RALYL: variants seen among roughly 807,000 people sequenced by gnomAD.
RALYL encodes RNA-binding Raly-like protein.
Under a neutral mutation model 35.1 loss-of-function variants are expected in RALYL, and 29 were observed. The observed-to-expected ratio is 0.83, with a 90% confidence interval of 0.61 to 1.13. The LOEUF is 1.13. Among genes scored for constraint, RALYL ranks in the 50% most tolerant of loss-of-function variants. The pLI is 0.00. For missense variants in RALYL, 359 were observed against 360.4 expected (o/e 1.00, Z 0.03); for synonymous variants, 120 against 127.6 (o/e 0.94, Z 0.40).
chr8:84,387,799 C>A (rs1255378792), intron 1 of RALYL, among the ~76,000 whole-genome samples: 1 of 139,186 alleles, frequency 7.2e-6, no homozygotes, highest in African/African-American at 2.8e-5. Context: ...TTCTTTCTTT[C>A]TTTCTTTTTT....
At chr8:84,379,123 G>A (rs935030325) in intron 1 of RALYL, among the ~76,000 whole-genome samples, 3 of 151,876 alleles carry the variant, frequency 2.0e-5, no homozygotes, top group African/African-American at 7.2e-5. Context: ...AGGAAATTTA[G>A]ATTTGAGCAG....
rs138977095 is a variant in RALYL, at chr8:84,245,215, C to T, written c.-24+60791C>T. ...TAGAGAGGGACGCTGTTTCTGTCTTCCAGGGTTCTCTGGTATGCAAAATTC... is the reference window on the plus strand; with the variant it reads ...TAGAGAGGGACGCTGTTTCTGTCTTTCAGGGTTCTCTGGTATGCAAAATTC... On this transcript the variant is annotated intron_variant, in intron 1 of 8. Transcript: ENST00000521268. Among the ~76,000 whole-genome samples, 524 of 152,232 alleles carry T rather than the reference C, an allele frequency of 3.4e-3. 4 individuals carry two copies. Among genetic ancestry groups the T allele is most frequent in the African/African-American group, 0.012 (509 of 41,558 alleles).
intron 4 of RALYL, among the ~76,000 whole-genome samples, chr8:84,846,541 A>C (rs1440949513): frequency 6.6e-6 from 1 of 152,178 alleles, no homozygotes; most frequent in Non-Finnish European, 1.5e-5. Flanking sequence ...TGAGTTAGAG[A>C]GAAGTCTCTC....
intron 2 of RALYL, among the ~76,000 whole-genome samples, chr8:84,761,807 A>G (rs1467020622): frequency 2.6e-5 from 4 of 152,212 alleles, no homozygotes; most frequent in African/African-American, 9.6e-5. Context: ...AGTAATATAC[A>G]ACATACATAA....
intron 6 of RALYL, among the ~76,000 whole-genome samples, chr8:84,863,235 A>G (rs1191791726): frequency 6.6e-6 from 1 of 152,242 alleles, no homozygotes; most frequent in Non-Finnish European, 1.5e-5. Flanking sequence ...GACTGAGGTG[A>G]CATTTGAGTG....
At chr8:84,558,615 T>G (rs1370635518) in intron 2 of RALYL, among the ~76,000 whole-genome samples, 1 of 152,166 alleles carries the variant, frequency 6.6e-6, no homozygotes, top group Non-Finnish European at 1.5e-5. Flanking sequence ...TGGATTTAAT[T>G]TATTTCCCAG....
At chr8:84,660,985 G>A (rs1362970372) in intron 2 of RALYL, among the ~76,000 whole-genome samples, 3 of 151,986 alleles carry the variant, frequency 2.0e-5, no homozygotes, top group East Asian at 3.9e-4. Flanking sequence ...TTGAAGTGCA[G>A]TAGTGCAATC....
At chr8:84,294,146 G>A (rs945818880) in intron 1 of RALYL, among the ~76,000 whole-genome samples, 2 of 151,888 alleles carry the variant, frequency 1.3e-5, no homozygotes, top group African/African-American at 4.8e-5. Context: ...TTTGGTGCCT[G>A]GTTAAAAAAA....
intron 2 of RALYL, among the ~76,000 whole-genome samples, chr8:84,710,018 AC>A (rs563872692): frequency 2.3e-4 from 35 of 152,184 alleles, no homozygotes; most frequent in African/African-American, 6.5e-4. Context: ...CCAAGATTGC[AC>A]CACTGCACTC....
chr8:84,573,317 A>G lies in RALYL; in HGVS notation c.256+43740A>G, dbSNP rs188509360. Reference sequence around the variant, plus strand: ...GCTATTTTGTCCTCATTTTAAGAACAGTTCTGCCAGATAGAACTTTAGTAT... The same window carrying G: ...GCTATTTTGTCCTCATTTTAAGAACGGTTCTGCCAGATAGAACTTTAGTAT... On this transcript the variant is annotated intron_variant, in intron 2 of 8. Coordinates refer to ENST00000521268, the MANE Select transcript of RALYL (RefSeq NM_173848.7). Among the ~76,000 whole-genome samples the G allele has an allele frequency of 2.3e-3, 349 of 151,880 alleles. 2 individuals are homozygous for G. Among genetic ancestry groups the G allele is most frequent in the Non-Finnish European group, 3.8e-3 (255 of 67,770 alleles).
intron 1 of RALYL, among the ~76,000 whole-genome samples, chr8:84,324,340 GT>G (rs1371139477): frequency 1.3e-5 from 2 of 151,030 alleles, no homozygotes; most frequent in Non-Finnish European, 3.0e-5. Flanking sequence ...ATTACTCACT[GT>G]CTTTACTTCA....
At chr8:84,193,451 C>T (rs1001945144) in intron 1 of RALYL, among the ~76,000 whole-genome samples, 2 of 152,124 alleles carry the variant, frequency 1.3e-5, no homozygotes, top group Non-Finnish European at 2.9e-5. Context: ...ATTAGTTAAA[C>T]TAAGTAACTC....
intron 4 of RALYL, among the ~76,000 whole-genome samples, chr8:84,814,470 T>C (rs948084497): frequency 9.2e-5 from 14 of 152,206 alleles, no homozygotes; most frequent in Non-Finnish European, 2.9e-5. Flanking sequence ...GTAATTGTCA[T>C]TTAAATTTTT....
intron 8 of RALYL, among the ~76,000 whole-genome samples, chr8:84,895,475 C>CA (rs1217385235): frequency 6.6e-5 from 10 of 151,892 alleles, no homozygotes; most frequent in African/African-American, 2.4e-4. Context: ...TATTGTAGGG[C>CA]ATTTTTATCC....
intron 1 of RALYL, among the ~76,000 whole-genome samples, chr8:84,254,299 T>A (rs369996933): frequency 5.9e-5 from 9 of 152,188 alleles, no homozygotes; most frequent in Admixed American, 4.6e-4. Context: ...TAATATTAAA[T>A]GTACTTGTTC....
At chr8:84,220,896 T>A (rs1407396004) in intron 1 of RALYL, among the ~76,000 whole-genome samples, 3 of 151,956 alleles carry the variant, frequency 2.0e-5, no homozygotes, top group Non-Finnish European at 4.4e-5. Flanking sequence ...CTATACTATC[T>A]TAGTAAACCT....
At position 84,622,622 on chromosome 8, in the gene RALYL, G is replaced by A. The variant is rs540611293; in HGVS notation, c.256+93045G>A. ...GCATTAGTACATATAATTATTCCAGGGAAGTCTCTCTCAGAGGCCATAAGA... is the reference window on the plus strand; with the variant it reads ...GCATTAGTACATATAATTATTCCAGAGAAGTCTCTCTCAGAGGCCATAAGA... On this transcript the variant is annotated intron_variant, in intron 2 of 8. Coordinates refer to ENST00000521268, the MANE Select transcript of RALYL (RefSeq NM_173848.7). Among the ~76,000 whole-genome samples the A allele has an allele frequency of 2.6e-5, 4 of 152,142 alleles. No homozygotes were observed. The South Asian group carries it at 6.2e-4, about 24-fold the overall frequency.
chr8:84,497,933 G>A (rs1281685535), intron 1 of RALYL, among the ~76,000 whole-genome samples: 5 of 148,874 alleles, frequency 3.4e-5, no homozygotes, highest in African/African-American at 1.2e-4. Flanking sequence ...GAGGAACCAC[G>A]CCCAGCCTAA....
intron 4 of RALYL, among the ~76,000 whole-genome samples, chr8:84,815,563 T>TAAC (rs1827026004): frequency 6.6e-6 from 1 of 151,412 alleles, no homozygotes; most frequent in Non-Finnish European, 1.5e-5. Context: ...AACCTTGTTT[T>TAAC]TTAATGGAGG....
Sources: allele counts gnomAD v4.1 joint callset (sites outside exome capture counted in the v4.1 genomes callset), GRCh38; gene constraint gnomAD v4.1.1; transcripts MANE v1.5; gene names NCBI Gene and HGNC (gene_info 2026-07-23, HGNC 2026-07-21).